Variants in EIF4EBP1 observed in about 807,000 individuals in gnomAD.
The protein encoded by EIF4EBP1 is eukaryotic translation initiation factor 4E-binding protein 1.
A neutral mutation model predicts 9.2 loss-of-function variants in EIF4EBP1; 5 were observed. The observed-to-expected ratio is 0.54, with a 90% confidence interval of 0.28 to 1.14. The LOEUF (loss-of-function observed/expected upper bound fraction) is 1.14, where lower values mean the gene tolerates loss of function less well. Among genes scored for constraint, EIF4EBP1 ranks in the 50% most tolerant of loss-of-function variants. EIF4EBP1 has a pLI of 0.09. For synonymous variants in EIF4EBP1, 62 were observed against 67.0 expected (o/e 0.93, Z 0.36); for missense variants, 139 against 169.6 (o/e 0.82, Z 1.00).
At chr8:38,045,031 G>A (rs1809432386) in intron 1 of EIF4EBP1, among the ~76,000 whole-genome samples, 1 of 152,168 alleles carries the variant, frequency 6.6e-6, no homozygotes, top group South Asian at 2.1e-4. Context: ...TTCCCGGCTT[G>A]TGACATCTTT....
rs1390980067 is a variant in EIF4EBP1, at chr8:38,033,712, A to ATCT, written c.145+2995_145+2997dup. On this transcript the variant is annotated intron_variant, in intron 1 of 2. Coordinates refer to ENST00000338825, the MANE Select transcript of EIF4EBP1 (RefSeq NM_004095.4). ...AAAGAAGCAGCAGTTGGGTTGCACTATCTCCATTCCTATGACTCCAGTTTG... is the reference window on the plus strand; with the variant it reads ...AAAGAAGCAGCAGTTGGGTTGCACTATCTTCTCCATTCCTATGACTCCAGTTTG... Among the ~76,000 whole-genome samples, 10 of 146,366 alleles carry ATCT rather than the reference A, an allele frequency of 6.8e-5. No homozygotes were observed. In the East Asian group the frequency reaches 2.0e-3, roughly 29 times the overall value.
At chr8:38,040,136 A>G (rs1458477830) in intron 1 of EIF4EBP1, among the ~76,000 whole-genome samples, 1 of 151,824 alleles carries the variant, frequency 6.6e-6, no homozygotes, top group East Asian at 1.9e-4. Context: ...TCCTGCCTCA[A>G]CCTCCCAAAG....
At chr8:38,048,009 GA>G (rs1464826074) in intron 1 of EIF4EBP1, among the ~76,000 whole-genome samples, 3 of 151,892 alleles carry the variant, frequency 2.0e-5, no homozygotes, top group Admixed American at 2.0e-4. Flanking sequence ...TGTCTTTAAG[GA>G]AAACAAAAAA....
chr8:38,038,819 A>C (rs1206171093), intron 1 of EIF4EBP1, among the ~76,000 whole-genome samples: 1 of 152,080 alleles, frequency 6.6e-6, no homozygotes, highest in Non-Finnish European at 1.5e-5. Flanking sequence ...AAGCTTGTCC[A>C]ACCCGAGACC....
rs765723849 is a variant in EIF4EBP1, at chr8:38,057,123, G to C, written c.188G>C (p.Arg63Pro). The part of the protein sequence containing the change: ...IYDRKFLMEC[R>P]NSPVTKTPPR... Reference sequence around the variant, plus strand: ...GACCGGAAATTCCTGATGGAGTGTCGGAACTCACCTGTGACCAAAACACCC... The same window carrying C: ...GACCGGAAATTCCTGATGGAGTGTCCGAACTCACCTGTGACCAAAACACCC... The change falls in exon 2 of 3, where the codon CGG becomes CCG. Residue 63 changes from arginine to proline, a missense_variant. By Grantham distance (103) the Arg-to-Pro change is moderately radical (BLOSUM62 -2). Transcript: ENST00000338825. The C allele has an allele frequency of 6.2e-7, 1 of 1,614,178 alleles. No homozygotes were observed. Among genetic ancestry groups the C allele is most frequent in the Non-Finnish European group, 8.5e-7 (1 of 1,180,030 alleles).
At chr8:38,050,636 A>C (rs1809507581) in intron 1 of EIF4EBP1, among the ~76,000 whole-genome samples, 1 of 152,060 alleles carries the variant, frequency 6.6e-6, no homozygotes, top group Admixed American at 6.6e-5. Flanking sequence ...TTTGAAAGAC[A>C]GGGTCTCGCT....
chr8:38,056,945 G>A (rs1041642234), intron 1 of EIF4EBP1, 136 bp from the exon 2 acceptor site: 1 of 866,604 alleles, frequency 1.2e-6, no homozygotes, highest in South Asian at 1.6e-5. Context: ...TTATGGGCAT[G>A]AGCCACCGCA....
chr8:38,044,512 C>T (rs1197446922), intron 1 of EIF4EBP1, among the ~76,000 whole-genome samples: 2 of 152,204 alleles, frequency 1.3e-5, no homozygotes, highest in Non-Finnish European at 2.9e-5. Context: ...GATCCCAGCT[C>T]ACTGCAGCCT....
At chr8:38,041,818 C>T (rs1381661341) in intron 1 of EIF4EBP1, among the ~76,000 whole-genome samples, 1 of 152,106 alleles carries the variant, frequency 6.6e-6, no homozygotes, top group Non-Finnish European at 1.5e-5. Flanking sequence ...TAGTGAGACC[C>T]TGTCTTTACA....
At chr8:38,042,069 GC>G (rs1330680211) in intron 1 of EIF4EBP1, among the ~76,000 whole-genome samples, 8 of 151,998 alleles carry the variant, frequency 5.3e-5, no homozygotes, top group South Asian at 2.1e-4. Context: ...TTTGTGTTGA[GC>G]CTTCATTGCA....
At chr8:38,036,972 A>G (rs907581120) in intron 1 of EIF4EBP1, among the ~76,000 whole-genome samples, 3 of 152,124 alleles carry the variant, frequency 2.0e-5, no homozygotes, top group East Asian at 3.8e-4. Flanking sequence ...GCAATATTGA[A>G]AAAAAGGAAC....
intron 1 of EIF4EBP1, among the ~76,000 whole-genome samples, chr8:38,047,185 A>C (rs1809458788): frequency 6.6e-6 from 1 of 152,214 alleles, no homozygotes; most frequent in South Asian, 2.1e-4. Flanking sequence ...GACTTCACAC[A>C]CTTGGCTGTA....
At chr8:38,048,139 ACACTTG>A (rs1205455790) in intron 1 of EIF4EBP1, among the ~76,000 whole-genome samples, 1 of 151,878 alleles carries the variant, frequency 6.6e-6, no homozygotes, top group African/African-American at 2.4e-5. Context: ...GGGTGTGGTG[ACACTTG>A]CCTGTAGTCC....
intron 1 of EIF4EBP1, among the ~76,000 whole-genome samples, chr8:38,056,117 G>A (rs562623637): frequency 2.0e-5 from 3 of 151,556 alleles, no homozygotes; most frequent in Admixed American, 6.6e-5. Flanking sequence ...TCAGCTTCCC[G>A]AGTAGCTGGG....
chr8:38,043,039 T>A (rs1809403394), intron 1 of EIF4EBP1, among the ~76,000 whole-genome samples: 1 of 152,128 alleles, frequency 6.6e-6, no homozygotes, highest in Non-Finnish European at 1.5e-5. Context: ...TGAACTCTAG[T>A]CTGGGTGACA....
rs995192227 is a variant in EIF4EBP1, at chr8:38,046,673, G to A, written c.146-10408G>A. Among the ~76,000 whole-genome samples the A allele has an allele frequency of 4.6e-5, 7 of 152,194 alleles. No homozygotes were observed. The South Asian group carries it at 1.4e-3, about 31-fold the overall frequency. On this transcript the variant is annotated intron_variant, in intron 1 of 2. Transcript: ENST00000338825. ...CAAATCCACACAGTAATCCTATGAA[G>A]TTGGCACTACCATCATCATCATCAT...
intron 1 of EIF4EBP1, among the ~76,000 whole-genome samples, chr8:38,034,051 T>C (rs967396993): frequency 2.6e-5 from 4 of 151,964 alleles, no homozygotes; most frequent in Admixed American, 2.6e-4. Context: ...CGGCCCTTTT[T>C]TTGTTTTTTT....
At chr8:38,035,338 C>T (rs1197189053) in intron 1 of EIF4EBP1, among the ~76,000 whole-genome samples, 1 of 151,884 alleles carries the variant, frequency 6.6e-6, no homozygotes, top group East Asian at 1.9e-4. Flanking sequence ...CTGCCTCAGC[C>T]TCCCAAGTAG....
intron 1 of EIF4EBP1, among the ~76,000 whole-genome samples, chr8:38,039,103 G>A (rs915113011): frequency 6.6e-6 from 1 of 151,858 alleles, no homozygotes; most frequent in African/African-American, 2.4e-5. Flanking sequence ...TATTGGTCAG[G>A]CTGGTCTCGA....
Sources: gnomAD v4.1 joint callset for allele counts (sites outside exome capture counted in the v4.1 genomes callset) on GRCh38, gnomAD v4.1.1 for gene constraint, MANE v1.5 for transcripts, NCBI Gene and HGNC (gene_info 2026-07-23, HGNC 2026-07-21) for gene names.